ADGRB1: variants seen among roughly 807,000 people sequenced by gnomAD.
ADGRB1 encodes brain-specific angiogenesis inhibitor 1.
ADGRB1 carries 36 observed loss-of-function variants against 175.7 expected under a neutral mutation model. The ratio of observed to expected loss-of-function variants is 0.20; its 90% CI spans 0.16 to 0.27. The LOEUF (loss-of-function observed/expected upper bound fraction) is 0.27, where lower values mean the gene tolerates loss of function less well. ADGRB1 is among the 10% of genes least tolerant of loss of function. The probability of loss-of-function intolerance (pLI) is 1.00; values close to 1 mark genes in which losing one functional copy is unlikely to be tolerated. For missense variants in ADGRB1, 1,731 were observed against 2,255.3 expected (o/e 0.77, Z 4.71); for synonymous variants, 1,054 against 979.4 (o/e 1.08, Z -1.42).
chr8:142,500,481 G>C (rs1286098399), intron 17 of ADGRB1, among the ~76,000 whole-genome samples: 1 of 150,456 alleles, frequency 6.6e-6, no homozygotes, highest in South Asian at 2.1e-4. Flanking sequence ...GTGGGGGCGA[G>C]GGCATGTGGA....
intron 1 of ADGRB1, among the ~76,000 whole-genome samples, chr8:142,454,466 C>A (rs941863110): frequency 6.6e-6 from 1 of 152,196 alleles, no homozygotes; most frequent in Non-Finnish European, 1.5e-5. Flanking sequence ...ACCCCCGCCC[C>A]GCGATGTGTG....
intron 1 of ADGRB1, among the ~76,000 whole-genome samples, chr8:142,458,976 C>T (rs12679921): frequency 0.13 from 20,066 of 152,188 alleles, 1,526 homozygotes; most frequent in East Asian, 0.19. Context: ...GACAGTTTTG[C>T]CATTAAACTG....
At chr8:142,482,021 C>T (rs1841366608) in intron 11 of ADGRB1, among the ~76,000 whole-genome samples, 1 of 89,592 alleles carries the variant, frequency 1.1e-5, no homozygotes. Context: ...ACCCTGGTCA[C>T]ACACTGAGCC....
Position 142,460,908 on chromosome 8 carries a change from C to A in ADGRB1, c.-219-3072C>A, listed in dbSNP as rs914884130. 2.0e-5 allele frequency among the ~76,000 whole-genome samples: 3 copies of A among 151,204 alleles called. No homozygotes were observed. In the South Asian group the frequency reaches 6.2e-4, roughly 31 times the overall value. On this transcript the variant is annotated intron_variant, in intron 1 of 30. Transcript: ENST00000517894. ...CCCCAGCACTGCCAGGGTGGCCCTTCTAAGGGGCGGTTCTGATAGGGGCAC... is the reference window on the plus strand; with the variant it reads ...CCCCAGCACTGCCAGGGTGGCCCTTATAAGGGGCGGTTCTGATAGGGGCAC...
intron 1 of ADGRB1, among the ~76,000 whole-genome samples, chr8:142,456,659 A>C (rs879803795): frequency 6.6e-6 from 1 of 152,204 alleles, no homozygotes; most frequent in Non-Finnish European, 1.5e-5. Context: ...CACCTACTGG[A>C]CACACCTACT....
intron 25 of ADGRB1, 80 bp from the exon 26 acceptor site, chr8:142,536,907 C>A: frequency 8.0e-7 from 1 of 1,247,438 alleles, no homozygotes; most frequent in Non-Finnish European, 1.1e-6. Context: ...CGCCCCCCCA[C>A]AGGTGCTGCT....
At chr8:142,488,236 G>C in intron 13 of ADGRB1, 128 bp from the exon 14 acceptor site, 2 of 1,345,594 alleles carry the variant, frequency 1.5e-6, no homozygotes, top group Non-Finnish European at 2.1e-6. Context: ...TCCTGCCTCT[G>C]AGCCATGGGC....
intron 2 of ADGRB1, among the ~76,000 whole-genome samples, chr8:142,469,160 T>TG (rs1840446171): frequency 1.2e-4 from 1 of 8,050 alleles, no homozygotes; most frequent in African/African-American, 3.3e-4. Flanking sequence ...TGCGTGCATG[T>TG]GTGTGTGTGT....
chr8:142,524,244 G>T lies in ADGRB1; in HGVS notation c.3252G>T (p.Trp1084Cys). The change falls in exon 23 of 31, where the codon TGG (tryptophan) becomes TGT (cysteine). Residue 1084 changes from tryptophan to cysteine, a missense_variant. Physicochemically the swap from Trp to Cys is radical, Grantham distance 215. This residue lies in a region of ADGRB1 where 301 missense variants were observed against 488.4 expected (regional missense o/e 0.62). Transcript: ENST00000517894. The part of the protein sequence containing the change: ...AKGYSTMNYC[W>C]LSLEGGLLYA... Reference sequence around the variant, plus strand: ...TGGCCTGTCTCCTCCCCAGCTGCTGGCTCTCCCTGGAGGGGGGACTGCTCT... The same window carrying T: ...TGGCCTGTCTCCTCCCCAGCTGCTGTCTCTCCCTGGAGGGGGGACTGCTCT... 6.3e-7 allele frequency: 1 copy of T among 1,599,668 alleles called. No homozygotes were observed.
chr8:142,510,620 T>G lies in ADGRB1; in HGVS notation c.2676-312T>G, dbSNP rs1471967475. 1.4e-5 allele frequency among the ~76,000 whole-genome samples: 2 copies of G among 144,710 alleles called. No individual in the cohort carries two copies. The highest frequency in any genetic ancestry group is 3.1e-5 in the Non-Finnish European group (2 of 65,374). 94.9% of individuals were successfully genotyped at this position (144,710 alleles called of 152,430 possible). ...GCGGCGGGGGCGCGGGGCGGGCGAC[T>G]GCCGGGCCCCGGGCCAGCTCTCGCC... On this transcript the variant is annotated intron_variant, in intron 17 of 30. Transcript: ENST00000517894. This position sits in a 1 kb window ranked among gnomAD's most constrained non-coding sequence, Gnocchi z 6.3.
rs377437659 is a variant in ADGRB1, at chr8:142,492,957, C to T, written c.2675+2142C>T. Among the ~76,000 whole-genome samples, 19 of 152,210 alleles carry T rather than the reference C, an allele frequency of 1.2e-4. No individual in the cohort carries two copies. In the South Asian group the frequency reaches 3.9e-3, roughly 32 times the overall value. On this transcript the variant is annotated intron_variant, in intron 17 of 30. Transcript: ENST00000517894. This position sits in a 1 kb window ranked among gnomAD's most constrained non-coding sequence, Gnocchi z 4.4. ...GGCCGCGGCAGCTCTCGGGGGGCTG[C>T]GCCCTGGTTCACTCAACCAGCCCCT...
At chr8:142,488,641 A>G in intron 14 of ADGRB1, 134 bp downstream of exon 14, 2 of 1,252,814 alleles carry the variant, frequency 1.6e-6, no homozygotes, top group Non-Finnish European at 2.2e-6. Context: ...TTTTCCAGGA[A>G]GCCCTCCTTG....
At position 142,503,484 on chromosome 8, in the gene ADGRB1, A is replaced by T. The variant is rs906689157; in HGVS notation, c.2676-7448A>T. ...AATGGCTGGAGCGTAAAAGGGTGTGAGGTCTGGGCAGTGGCCCCCTGCCAG... is the reference window on the plus strand; with the variant it reads ...AATGGCTGGAGCGTAAAAGGGTGTGTGGTCTGGGCAGTGGCCCCCTGCCAG... On this transcript the variant is annotated intron_variant, in intron 17 of 30. Coordinates refer to ENST00000517894, the MANE Select transcript of ADGRB1 (RefSeq NM_001702.3). Among the ~76,000 whole-genome samples, 4 of 152,180 alleles carry T rather than the reference A, an allele frequency of 2.6e-5. No homozygotes were observed. In the South Asian group the frequency reaches 6.2e-4, roughly 24 times the overall value.
intron 1 of ADGRB1, among the ~76,000 whole-genome samples, chr8:142,454,433 A>AGGTGCACACG (rs991853923): frequency 6.6e-6 from 1 of 152,202 alleles, no homozygotes; most frequent in African/African-American, 2.4e-5. Context: ...GCACACCGTG[A>AGGTGCACACG]GGTGCACACG....
chr8:142,522,750 G>A, intron 22 of ADGRB1, 40 bp downstream of exon 22: 3 of 1,446,696 alleles, frequency 2.1e-6, no homozygotes, highest in Non-Finnish European at 2.7e-6. Flanking sequence ...TGGCCACATG[G>A]CCCCCCAGAG....
At chr8:142,494,992 G>A (rs1842147037) in intron 17 of ADGRB1, among the ~76,000 whole-genome samples, 2 of 152,166 alleles carry the variant, frequency 1.3e-5, no homozygotes, top group African/African-American at 4.8e-5. Flanking sequence ...GGAGTGGGGT[G>A]GAGGGCGGGG....
At chr8:142,488,261 G>A in intron 13 of ADGRB1, 103 bp from the exon 14 acceptor site, 2 of 1,493,042 alleles carry the variant, frequency 1.3e-6, no homozygotes, top group East Asian at 4.5e-5. Context: ...CGCGGCATCA[G>A]CCTGCACTGC....
chr8:142,487,323 G>A (rs1202493086), intron 13 of ADGRB1, among the ~76,000 whole-genome samples: 1 of 152,046 alleles, frequency 6.6e-6, no homozygotes, highest in Non-Finnish European at 1.5e-5. Flanking sequence ...CCTTGCCCCT[G>A]CAGGCCACCT....
rs1447657496 is a variant in ADGRB1, at chr8:142,518,190, T to C, written c.2870T>C (p.Val957Ala). The change falls in exon 19 of 31, where the codon GTG becomes GCG. Residue 957 changes from valine to alanine, a missense_variant. Physicochemically the swap from Val to Ala is moderately conservative, Grantham distance 64. Coordinates refer to ENST00000517894, the MANE Select transcript of ADGRB1 (RefSeq NM_001702.3). ...PSVTLIVGCG[V>A]SSLTLLMLVI... is the part of the protein sequence containing the mutation. ...GTGACGCTCATCGTGGGCTGTGGCG[T>C]GTCCTCTCTCACCCTGCTCATGCTG... is the stretch of plus-strand genomic sequence containing the variant. The C allele has an allele frequency of 7.4e-6, 12 of 1,613,806 alleles. No homozygotes were observed. Among genetic ancestry groups the C allele is most frequent in the Non-Finnish European group, 1.0e-5 (12 of 1,179,806 alleles).
Sources: gnomAD v4.1 joint callset for allele counts (sites outside exome capture counted in the v4.1 genomes callset) on GRCh38, gnomAD v4.1.1 for gene constraint, gnomAD v4.1.1 regional missense constraint, Gnocchi (gnomAD v3.1) non-coding constraint, MANE v1.5 for transcripts, NCBI Gene and HGNC (gene_info 2026-07-23, HGNC 2026-07-21) for gene names.